Variants in TASP1 observed in about 807,000 individuals in gnomAD.
TASP1 encodes the protein taspase 1, also known as threonine aspartase 1.
Under a neutral mutation model 56.6 loss-of-function variants are expected in TASP1, and 16 were observed. That is an observed-to-expected ratio of 0.28 (90% CI 0.19 to 0.43). The LOEUF (loss-of-function observed/expected upper bound fraction) is 0.43, where lower values mean the gene tolerates loss of function less well. Ranked by LOEUF, TASP1 falls within the 20% of genes least tolerant of loss-of-function variation. The probability of loss-of-function intolerance (pLI) is 1.00; values close to 1 mark genes in which losing one functional copy is unlikely to be tolerated. For synonymous variants in TASP1, 179 were observed against 184.2 expected (o/e 0.97, Z 0.23); for missense variants, 393 against 511.6 (o/e 0.77, Z 2.24).
At chr20:13,220,567 C>G in the TASP1 span, among the ~76,000 whole-genome samples, 1 of 152,210 alleles carries the variant, frequency 6.6e-6, no homozygotes, top group African/African-American at 2.4e-5. Context: ...GCGCCTGAGC[C>G]GCGGGCACTG....
At chr20:13,609,965 G>A (rs1171005182) in intron 4 of TASP1, among the ~76,000 whole-genome samples, 2 of 152,158 alleles carry the variant, frequency 1.3e-5, no homozygotes, top group African/African-American at 2.4e-5. Context: ...ATGCTACACT[G>A]TGAACAAACT....
the TASP1 span, among the ~76,000 whole-genome samples, chr20:13,236,859 G>T: frequency 1.3e-5 from 2 of 152,226 alleles, no homozygotes; most frequent in Non-Finnish European, 2.9e-5. Flanking sequence ...ATGGTCTTGG[G>T]CAGCTCTGCC....
At chr20:13,207,887 G>C in the TASP1 span, among the ~76,000 whole-genome samples, 1 of 152,030 alleles carries the variant, frequency 6.6e-6, no homozygotes, top group African/African-American at 2.4e-5. Context: ...CGATATATCA[G>C]TTGGGCAGAG....
At chr20:13,177,337 A>C in the TASP1 span, among the ~76,000 whole-genome samples, 1 of 152,146 alleles carries the variant, frequency 6.6e-6, no homozygotes, top group African/African-American at 2.4e-5. Context: ...TGAACATACT[A>C]CTCAAAGGAA....
At chr20:13,312,749 C>A in the TASP1 span, among the ~76,000 whole-genome samples, 2 of 152,188 alleles carry the variant, frequency 1.3e-5, no homozygotes, top group South Asian at 2.1e-4. Context: ...TCTGGGAAAT[C>A]ATCACACTTA....
the TASP1 span, among the ~76,000 whole-genome samples, chr20:13,130,039 A>G: frequency 2.0e-5 from 3 of 152,240 alleles, no homozygotes; most frequent in Non-Finnish European, 4.4e-5. Flanking sequence ...TTTCAAAGAA[A>G]CAAAGGAAAG....
chr20:13,424,832 C>T (rs1484657835), intron 12 of TASP1, among the ~76,000 whole-genome samples: 1 of 152,122 alleles, frequency 6.6e-6, no homozygotes, highest in African/African-American at 2.4e-5. Flanking sequence ...TAACAACACA[C>T]TAAAATAAGA....
At chr20:13,362,839 T>TATATATATATATATATATATATATA in the TASP1 span, among the ~76,000 whole-genome samples, 2 of 64,756 alleles carry the variant, frequency 3.1e-5, no homozygotes, top group African/African-American at 5.1e-5. Flanking sequence ...ATATATATAT[T>TATATATATATATATATATATATATA]TGTCTCTCCC....
intron 8 of TASP1, among the ~76,000 whole-genome samples, chr20:13,547,342 A>C (rs1472998518): frequency 6.6e-6 from 1 of 152,234 alleles, no homozygotes; most frequent in African/African-American, 2.4e-5. Context: ...GTTGAATTAG[A>C]ATTTTCAGGA....
At chr20:13,320,757 T>C in the TASP1 span, among the ~76,000 whole-genome samples, 1 of 152,142 alleles carries the variant, frequency 6.6e-6, no homozygotes. Context: ...CTGTCCAAGC[T>C]CTAGCCATCA....
rs12480426 is a variant in TASP1 at position 13,553,079 on chromosome 20, G to A, written c.675+5929C>T. ...GCATCCTGAGTAACGGGGACTACAG[G>A]TGCATGCCACCATGCCCAGCCAGTT... is the stretch of plus-strand genomic sequence containing the variant. On this transcript the variant is annotated intron_variant, in intron 8 of 13. Transcript: ENST00000337743. Among the ~76,000 whole-genome samples the A allele has an allele frequency of 5.1e-3, 769 of 152,186 alleles. 4 individuals are homozygous for A. Among genetic ancestry groups the A allele is most frequent in the East Asian group, 0.012 (60 of 5,174 alleles).
chr20:13,161,669 A>C, the TASP1 span, among the ~76,000 whole-genome samples: 2 of 152,250 alleles, frequency 1.3e-5, no homozygotes, highest in Admixed American at 1.3e-4. Flanking sequence ...GTTTAAATGC[A>C]GTGAGTGATG....
At chr20:13,576,331 A>G in intron 6 of TASP1, among the ~76,000 whole-genome samples, 1 of 140,762 alleles carries the variant, frequency 7.1e-6, no homozygotes, top group Admixed American at 7.4e-5. Flanking sequence ...AGAAAAGAGA[A>G]AGAAAGAAAG....
At chr20:13,428,102 C>T (rs899136776) in intron 12 of TASP1, among the ~76,000 whole-genome samples, 25 of 152,148 alleles carry the variant, frequency 1.6e-4, no homozygotes, top group Admixed American at 8.5e-4. Flanking sequence ...CCATATGCCT[C>T]CTATCCTGAA....
chr20:13,332,948 C>T, the TASP1 span, among the ~76,000 whole-genome samples: 1 of 152,176 alleles, frequency 6.6e-6, no homozygotes, highest in Non-Finnish European at 1.5e-5. Context: ...GCCAGAATTC[C>T]GTGCTCATGG....
At chr20:13,107,163 C>A in the TASP1 span, among the ~76,000 whole-genome samples, 2 of 152,152 alleles carry the variant, frequency 1.3e-5, no homozygotes, top group East Asian at 1.9e-4. Context: ...AACGTCTGGG[C>A]CCTGACCCAC....
intron 11 of TASP1, among the ~76,000 whole-genome samples, chr20:13,474,641 G>A (rs1306014736): frequency 6.6e-6 from 1 of 152,014 alleles, no homozygotes; most frequent in African/African-American, 2.4e-5. Context: ...TTTCCTTTGG[G>A]TAGCTACTCA....
At chr20:13,464,819 T>C (rs75915962) in intron 11 of TASP1, among the ~76,000 whole-genome samples, 1,944 of 152,040 alleles carry the variant, frequency 0.013, 44 homozygotes, top group African/African-American at 0.044. Context: ...AGTCTGAAGA[T>C]TGGCTGCACA....
At chr20:13,294,831 AT>A in the TASP1 span, among the ~76,000 whole-genome samples, 1 of 152,124 alleles carries the variant, frequency 6.6e-6, no homozygotes, top group African/African-American at 2.4e-5. Flanking sequence ...GAGAAGTGCT[AT>A]TTTTATGCCC....
Sources: allele counts gnomAD v4.1 joint callset (sites outside exome capture counted in the v4.1 genomes callset), GRCh38; gene constraint gnomAD v4.1.1; transcripts MANE v1.5; gene names NCBI Gene and HGNC (gene_info 2026-07-23, HGNC 2026-07-21).